The following COX7B2 variants were observed in gnomAD, a reference collection of about 807,000 sequenced individuals.
COX7B2 encodes cytochrome c oxidase subunit 7B2.
For synonymous variants in COX7B2, 37 were observed against 32.1 expected (o/e 1.15, Z -0.51); for missense variants, 109 against 95.9 (o/e 1.14, Z -0.57).
intron 2 of COX7B2, among the ~76,000 whole-genome samples, chr4:46,797,161 C>G (rs182710051): frequency 1.8e-3 from 235 of 131,614 alleles, no homozygotes; most frequent in Non-Finnish European, 2.8e-3. Context: ...GATTCTGGTA[C>G]ACTACCAAAA....
rs575876056 is a variant in COX7B2 at position 46,744,463 on chromosome 4, G to A, written c.-49-9222C>T. Among the ~76,000 whole-genome samples, 4 of 152,064 alleles carry A rather than the reference G, an allele frequency of 2.6e-5. No individual in the cohort carries two copies. The East Asian group carries it at 5.8e-4, about 22-fold the overall frequency. On this transcript the variant is annotated intron_variant, in intron 2 of 2. Transcript: ENST00000355591. Reference sequence around the variant, plus strand: ...GTTGTCTCAGTCATTGGCTTTCTCTGTGGTGAGCAGCAGAACCTAGACCAA... The same window carrying A: ...GTTGTCTCAGTCATTGGCTTTCTCTATGGTGAGCAGCAGAACCTAGACCAA...
At chr4:46,806,602 T>C (rs1476690156) in intron 2 of COX7B2, among the ~76,000 whole-genome samples, 3 of 152,072 alleles carry the variant, frequency 2.0e-5, no homozygotes, top group African/African-American at 7.2e-5. Flanking sequence ...TTACTGCCTA[T>C]AGTCATTATG....
In COX7B2 at chr4:46,801,792, T is replaced by C. The variant is rs117901775; in HGVS notation, c.-50+43168A>G. Among the ~76,000 whole-genome samples the C allele has an allele frequency of 7.2e-3, 1,092 of 152,290 alleles. 42 individuals are homozygous for C. The highest frequency in any genetic ancestry group is 0.055 in the Admixed American group (840 of 15,302). On this transcript the variant is annotated intron_variant, in intron 2 of 2. Transcript: ENST00000355591. ...AAATATTCCAATACTTTATCACTTC[T>C]TTTTAATATTTGTCCTAATCATTTC...
chr4:46,752,925 C>G lies in COX7B2; in HGVS notation c.-49-17684G>C, dbSNP rs532800931. ...AGGCTTTGGTATCAGGATGATGCTG[C>G]CCTCATAAAATGAGTCAGGGAGGAG... On this transcript the variant is annotated intron_variant, in intron 2 of 2. Coordinates refer to ENST00000355591, the MANE Select transcript of COX7B2 (RefSeq NM_130902.3). Among the ~76,000 whole-genome samples the G allele has an allele frequency of 1.8e-3, 270 of 152,182 alleles. 1 individual carries two copies. Among genetic ancestry groups the G allele is most frequent in the African/African-American group, 6.4e-3 (264 of 41,546 alleles).
intron 2 of COX7B2, among the ~76,000 whole-genome samples, chr4:46,750,229 C>CAT (rs572398072): frequency 1.2e-3 from 184 of 151,292 alleles, no homozygotes; most frequent in South Asian, 9.4e-3. Flanking sequence ...CACACACACA[C>CAT]ACACACACAC....
At chr4:46,767,270 G>A (rs113444407) in intron 2 of COX7B2, among the ~76,000 whole-genome samples, 2 of 152,088 alleles carry the variant, frequency 1.3e-5, no homozygotes, top group African/African-American at 4.8e-5. Context: ...GACAAACAAT[G>A]TTACTATATA....
chr4:46,835,431 TC>T (rs1715448999), intron 2 of COX7B2, among the ~76,000 whole-genome samples: 1 of 149,610 alleles, frequency 6.7e-6, no homozygotes, highest in Non-Finnish European at 1.5e-5. Context: ...CGCAAACAAG[TC>T]CCCCCTCAAA....
At chr4:46,862,080 G>A (rs1717369639) in intron 1 of COX7B2, among the ~76,000 whole-genome samples, 1 of 152,166 alleles carries the variant, frequency 6.6e-6, no homozygotes, top group Non-Finnish European at 1.5e-5. Flanking sequence ...ACTTTCTTCA[G>A]TTTCTCCACT....
At chr4:46,904,855 A>T (rs1560447193) in intron 1 of COX7B2, among the ~76,000 whole-genome samples, 1 of 152,196 alleles carries the variant, frequency 6.6e-6, no homozygotes, top group Non-Finnish European at 1.5e-5. Context: ...TCTTTTGTAG[A>T]GAAAAGGAAA....
chr4:46,895,942 C>T (rs1719733811), intron 1 of COX7B2, among the ~76,000 whole-genome samples: 1 of 152,074 alleles, frequency 6.6e-6, no homozygotes, highest in African/African-American at 2.4e-5. Flanking sequence ...TCAGTTAAAC[C>T]TCAGTGTGAA....
chr4:46,868,280 T>A (rs918674377), intron 1 of COX7B2, among the ~76,000 whole-genome samples: 9 of 152,252 alleles, frequency 5.9e-5, no homozygotes, highest in African/African-American at 2.2e-4. Context: ...TCTTCATTAT[T>A]CTAGCTAGTG....
At chr4:46,757,376 G>T (rs1715865176) in intron 2 of COX7B2, among the ~76,000 whole-genome samples, 2 of 152,018 alleles carry the variant, frequency 1.3e-5, no homozygotes, top group Non-Finnish European at 2.9e-5. Context: ...CACTATTCTG[G>T]TGATGGATGC....
At chr4:46,803,366 T>C (rs1718767957) in intron 2 of COX7B2, among the ~76,000 whole-genome samples, 1 of 152,064 alleles carries the variant, frequency 6.6e-6, no homozygotes, top group South Asian at 2.1e-4. Flanking sequence ...AGATAAAAAA[T>C]TTGGGATATA....
chr4:46,869,239 C>T, intron 1 of COX7B2, among the ~76,000 whole-genome samples: 1 of 152,086 alleles, frequency 6.6e-6, no homozygotes, highest in East Asian at 1.9e-4. Context: ...TTCCTTCATC[C>T]CTTTATTTTG....
intron 1 of COX7B2, among the ~76,000 whole-genome samples, chr4:46,858,293 G>A (rs959513287): frequency 4.0e-5 from 6 of 151,896 alleles, no homozygotes; most frequent in Admixed American, 2.0e-4. Flanking sequence ...GGGGGGGTTC[G>A]CCATATTGGC....
At chr4:46,908,160 G>A (rs1214460131) in intron 1 of COX7B2, among the ~76,000 whole-genome samples, 1 of 151,868 alleles carries the variant, frequency 6.6e-6, no homozygotes, top group Non-Finnish European at 1.5e-5. Context: ...CAGAATTTGA[G>A]CAGACTATCT....
intron 2 of COX7B2, among the ~76,000 whole-genome samples, chr4:46,779,598 T>G (rs1717332285): frequency 6.6e-6 from 1 of 152,118 alleles, no homozygotes; most frequent in Non-Finnish European, 1.5e-5. Context: ...GTTCAGAACC[T>G]CCATATTGTT....
intron 1 of COX7B2, among the ~76,000 whole-genome samples, chr4:46,866,317 C>T (rs139181399): frequency 9.9e-5 from 15 of 152,270 alleles, no homozygotes; most frequent in African/African-American, 3.1e-4. Context: ...ACAGATGTTA[C>T]ACCACATATG....
chr4:46,851,711 A>G (rs1185890909), intron 1 of COX7B2, among the ~76,000 whole-genome samples: 1 of 152,054 alleles, frequency 6.6e-6, no homozygotes, highest in Non-Finnish European at 1.5e-5. Context: ...TTAATGACCT[A>G]GATACTTCTG....
Sources: gnomAD v4.1 joint callset for allele counts (sites outside exome capture counted in the v4.1 genomes callset) on GRCh38, gnomAD v4.1.1 for gene constraint, MANE v1.5 for transcripts, NCBI Gene and HGNC (gene_info 2026-07-23, HGNC 2026-07-21) for gene names.